Variants in CHRM3 observed in about 807,000 individuals in gnomAD.
CHRM3 encodes muscarinic acetylcholine receptor M3.
CHRM3 carries 11 observed loss-of-function variants against 41.8 expected under a neutral mutation model. The observed-to-expected ratio is 0.26, with a 90% CI of 0.17 to 0.44. The LOEUF is 0.44. Among genes scored for constraint, CHRM3 ranks in the 20% least tolerant of loss-of-function variants. The pLI is 1.00. For missense variants in CHRM3, 571 were observed against 745.4 expected, an observed-to-expected ratio of 0.77 and a Z score of 2.72; for synonymous variants, 297 against 301.4, an observed-to-expected ratio of 0.99 and a Z score of 0.15.
At chr1:239,893,668 G>GT (rs1678735489) in intron 6 of CHRM3, among the ~76,000 whole-genome samples, 1 of 149,910 alleles carries the variant, frequency 6.7e-6, no homozygotes, top group African/African-American at 2.5e-5. Context: ...AGCAGTAGCA[G>GT]AGGAAAGGGT....
At chr1:239,500,644 GA>G (rs1352874329) in intron 2 of CHRM3, among the ~76,000 whole-genome samples, 6 of 147,636 alleles carry the variant, frequency 4.1e-5, no homozygotes, top group Admixed American at 6.8e-5. Context: ...ATTAAATCCC[GA>G]AAAAAAAGCA....
chr1:239,666,982 G>A (rs1333718013), intron 4 of CHRM3, among the ~76,000 whole-genome samples: 1 of 152,122 alleles, frequency 6.6e-6, no homozygotes, highest in Non-Finnish European at 1.5e-5. Flanking sequence ...CATCCATGTT[G>A]CAGCAAACGA....
chr1:239,475,834 T>C (rs1423287481), intron 1 of CHRM3, among the ~76,000 whole-genome samples: 1 of 152,178 alleles, frequency 6.6e-6, no homozygotes, highest in Non-Finnish European at 1.5e-5. Flanking sequence ...TGTCCGTATG[T>C]TTTTCAACAT....
intron 3 of CHRM3, among the ~76,000 whole-genome samples, chr1:239,571,964 T>C (rs1044596767): frequency 1.3e-5 from 2 of 152,182 alleles, no homozygotes; most frequent in African/African-American, 2.4e-5. Context: ...CAGTATGTCA[T>C]ATCAACTACC....
intron 4 of CHRM3, among the ~76,000 whole-genome samples, chr1:239,666,652 A>G (rs1673834585): frequency 6.6e-6 from 1 of 151,948 alleles, no homozygotes; most frequent in African/African-American, 2.4e-5. Context: ...TGCCCCTCCC[A>G]TTAGACACTC....
At chr1:239,879,794 A>G (rs1355582848) in intron 6 of CHRM3, among the ~76,000 whole-genome samples, 5 of 152,336 alleles carry the variant, frequency 3.3e-5, no homozygotes, top group Admixed American at 6.5e-5. Context: ...CCACGGTCAC[A>G]CACAGCTGGT....
At chr1:239,752,232 T>C (rs1238473695) in intron 5 of CHRM3, among the ~76,000 whole-genome samples, 2 of 152,166 alleles carry the variant, frequency 1.3e-5, no homozygotes, top group African/African-American at 2.4e-5. Flanking sequence ...CCTGACCTGA[T>C]TGCACTAGGG....
At chr1:239,514,208 A>G (rs1669109064) in intron 2 of CHRM3, among the ~76,000 whole-genome samples, 1 of 152,136 alleles carries the variant, frequency 6.6e-6, no homozygotes, top group African/African-American at 2.4e-5. Context: ...CATTGAATCA[A>G]TAGACCAAGT....
At chr1:239,684,576 G>T (rs1302844048) in intron 5 of CHRM3, among the ~76,000 whole-genome samples, 1 of 151,034 alleles carries the variant, frequency 6.6e-6, no homozygotes, top group Non-Finnish European at 1.5e-5. Context: ...GCTAGAACCT[G>T]AGAAGCAGAG....
At chr1:239,747,077 T>C (rs900811162) in intron 5 of CHRM3, among the ~76,000 whole-genome samples, 2 of 152,020 alleles carry the variant, frequency 1.3e-5, no homozygotes, top group African/African-American at 4.8e-5. Context: ...TTCAATCCAT[T>C]AACGAGATAT....
chr1:239,763,632 T>C, intron 5 of CHRM3, among the ~76,000 whole-genome samples: 1 of 152,156 alleles, frequency 6.6e-6, no homozygotes, highest in East Asian at 1.9e-4. Context: ...TTGTCTGTAA[T>C]CTGGAGATCT....
rs1163572154 is a variant in CHRM3 at position 239,747,522 on chromosome 1, G to A, written c.-147+69234G>A. On this transcript the variant is annotated intron_variant, in intron 5 of 6. Transcript: ENST00000676153. ...GGGAATGAGAGATTTTACTAATGCAGCAGCTGCTCACATTATTTCCCCATT... is the reference window on the plus strand; with the variant it reads ...GGGAATGAGAGATTTTACTAATGCAACAGCTGCTCACATTATTTCCCCATT... Among the ~76,000 whole-genome samples the A allele has an allele frequency of 3.9e-5, 6 of 152,070 alleles. No individual in the cohort carries two copies. The East Asian group carries it at 7.7e-4, about 20-fold the overall frequency.
chr1:239,898,640 G>T (rs1192598530), intron 6 of CHRM3, among the ~76,000 whole-genome samples: 1 of 152,030 alleles, frequency 6.6e-6, no homozygotes, highest in Non-Finnish European at 1.5e-5. Flanking sequence ...AAATTTATAC[G>T]CTTTTAATTG....
intron 4 of CHRM3, among the ~76,000 whole-genome samples, chr1:239,669,327 C>G (rs1674129790): frequency 6.6e-6 from 1 of 152,164 alleles, no homozygotes; most frequent in Admixed American, 6.5e-5. Context: ...TTTCAGACAA[C>G]TTGTAAGGAC....
At chr1:239,654,001 G>A (rs942716295) in intron 4 of CHRM3, among the ~76,000 whole-genome samples, 12 of 152,112 alleles carry the variant, frequency 7.9e-5, no homozygotes, top group Non-Finnish European at 1.3e-4. Flanking sequence ...TTGCTCTGTT[G>A]CCTAGGCTGG....
chr1:239,658,886 G>A lies in CHRM3; in HGVS notation c.-249-19300G>A, dbSNP rs111678374. ...CCTGAGTAGCTGGAACTACAGGTGT[G>A]TGCCACCACACCTGGCTATTTTTTG... On this transcript the variant is annotated intron_variant, in intron 4 of 6. Coordinates refer to ENST00000676153, the MANE Select transcript of CHRM3 (RefSeq NM_001375978.1). 3.5e-3 allele frequency among the ~76,000 whole-genome samples: 539 copies of A among 152,046 alleles called. 3 individuals carry two copies. Among genetic ancestry groups the A allele is most frequent in the African/African-American group, 0.012 (498 of 41,484 alleles).
chr1:239,701,978 T>C (rs1459318066), intron 5 of CHRM3, among the ~76,000 whole-genome samples: 1 of 152,202 alleles, frequency 6.6e-6, no homozygotes, highest in Non-Finnish European at 1.5e-5. Flanking sequence ...ACTCCTAATG[T>C]CTAGATAATA....
At chr1:239,799,695 A>G (rs192180724) in intron 5 of CHRM3, among the ~76,000 whole-genome samples, 1 of 152,294 alleles carries the variant, frequency 6.6e-6, no homozygotes, top group East Asian at 1.9e-4. Context: ...AACAGTGCAG[A>G]TTCCGTTGTC....
intron 5 of CHRM3, among the ~76,000 whole-genome samples, chr1:239,784,134 G>A (rs936555998): frequency 2.6e-5 from 4 of 151,994 alleles, no homozygotes; most frequent in South Asian, 2.1e-4. Flanking sequence ...AAGTTTCATC[G>A]TTAGGCCTTC....
Sources: allele counts gnomAD v4.1 joint callset (sites outside exome capture counted in the v4.1 genomes callset), GRCh38; gene constraint gnomAD v4.1.1; transcripts MANE v1.5; gene names NCBI Gene and HGNC (gene_info 2026-07-23, HGNC 2026-07-21).